SLC25A16: variants seen among roughly 807,000 people sequenced by gnomAD.
SLC25A16 encodes mitochondrial coenzyme A transporter SLC25A16.
SLC25A16 carries 39 observed loss-of-function variants against 41.5 expected under a neutral mutation model. The ratio of observed to expected loss-of-function variants is 0.94; its 90% CI spans 0.73 to 1.23. SLC25A16 has a LOEUF of 1.23. Ranked by LOEUF, SLC25A16 falls within the 50% of genes most tolerant of loss-of-function variation. The pLI, the probability that SLC25A16 is intolerant of heterozygous loss-of-function variation, is 0.00. For synonymous variants in SLC25A16, 146 were observed against 147.8 expected, an observed-to-expected ratio of 0.99 and a Z score of 0.09; for missense variants, 421 against 426.9, an observed-to-expected ratio of 0.99 and a Z score of 0.12.
At position 68,493,460 on chromosome 10, in the gene SLC25A16, T is replaced by C. The variant is rs758236954; in HGVS notation, c.532A>G (p.Ile178Val). ...TAAATATGAAATACCTTTGCATAAATTGTTTTGAAAGCATGAATAATTCCT... is the reference window on the plus strand; with the variant it reads ...TAAATATGAAATACCTTTGCATAAACTGTTTTGAAAGCATGAATAATTCCT... ...YTGIIHAFKTIYAKEGGFFGF... is the reference protein window; with the variant it reads ...YTGIIHAFKTVYAKEGGFFGF... The change falls in exon 5 of 9, where the codon ATT (isoleucine) becomes GTT (valine). Residue 178 changes from isoleucine (I) to valine (V), a missense_variant. Ile to Val is a conservative substitution (Grantham distance 29). Coordinates refer to ENST00000609923, the MANE Select transcript of SLC25A16 (RefSeq NM_152707.4). The C allele has an allele frequency of 6.8e-6, 11 of 1,613,062 alleles. No homozygotes were observed. The highest frequency in any genetic ancestry group is 1.1e-5 in the South Asian group (1 of 91,044).
intron 8 of SLC25A16, among the ~76,000 whole-genome samples, chr10:68,484,613 T>C (rs903602603): frequency 2.0e-5 from 3 of 151,756 alleles, no homozygotes; most frequent in African/African-American, 7.3e-5. Flanking sequence ...TGTTTGTTTT[T>C]AGTTAAAAAA....
chr10:68,525,402 C>A (rs1484240212), intron 1 of SLC25A16, among the ~76,000 whole-genome samples: 1 of 152,146 alleles, frequency 6.6e-6, no homozygotes, highest in Non-Finnish European at 1.5e-5. Context: ...TCCCAAAGTG[C>A]TGGGATTACA....
Position 68,527,460 on chromosome 10 carries a change from G to C in SLC25A16, c.-85C>G, listed in dbSNP as rs981345287. ...ATAGCCGGAACAGGCGGTGACAGGA[G>C]GCTGACCGCCCCGCCGGCGGGGCAA... On this transcript the variant is annotated 5_prime_UTR_variant, in exon 1 of 9. Coordinates refer to ENST00000609923, the MANE Select transcript of SLC25A16 (RefSeq NM_152707.4). The C allele has an allele frequency of 7.5e-7, 1 of 1,324,828 alleles. No individual in the cohort carries two copies. Among genetic ancestry groups the C allele is most frequent in the South Asian group, 1.6e-5 (1 of 62,250 alleles). The allele number at this position is 1,324,828 out of a possible 1,614,324, so 82.1% of individuals were successfully genotyped here.
rs560663710 is a variant in SLC25A16, at chr10:68,524,408, G to A, written c.130+2838C>T. The stretch of plus-strand genomic sequence containing the variant: ...AATACAAAATTAGCTGGGTGTGGTG[G>A]CACACACCTATAGTCCTAGCTACTC... On this transcript the variant is annotated intron_variant, in intron 1 of 8. Coordinates refer to ENST00000609923, the MANE Select transcript of SLC25A16 (RefSeq NM_152707.4). Among the ~76,000 whole-genome samples, 6 of 148,078 alleles carry A rather than the reference G, an allele frequency of 4.1e-5. No homozygotes were observed. In the Admixed American group the frequency reaches 4.1e-4, roughly 10 times the overall value.
At position 68,526,207 on chromosome 10, in the gene SLC25A16, G is replaced by A. The variant is rs28616702; in HGVS notation, c.130+1039C>T. On this transcript the variant is annotated intron_variant, in intron 1 of 8. Coordinates refer to ENST00000609923, the MANE Select transcript of SLC25A16 (RefSeq NM_152707.4). The stretch of plus-strand genomic sequence containing the variant: ...GCAATGGAATGTCTCGGTATAAAAC[G>A]CGATTGTATGCTCCATCTACTGAGA... Among the ~76,000 whole-genome samples the A allele has an allele frequency of 8.7e-5, 13 of 149,908 alleles. No homozygotes were observed. In the East Asian group the frequency reaches 2.3e-3, roughly 27 times the overall value.
intron 6 of SLC25A16, among the ~76,000 whole-genome samples, chr10:68,491,795 C>T (rs201325533): frequency 6.8e-6 from 1 of 146,558 alleles, no homozygotes; most frequent in Non-Finnish European, 1.5e-5. Flanking sequence ...AAACTTCTCT[C>T]TGTTTGCTTG....
intron 2 of SLC25A16, among the ~76,000 whole-genome samples, chr10:68,509,288 T>A (rs1336427452): frequency 1.3e-5 from 2 of 151,804 alleles, no homozygotes; most frequent in African/African-American, 4.8e-5. Context: ...AGTGAGCCAC[T>A]CCAGCGACAC....
At position 68,493,529 on chromosome 10, in the gene SLC25A16, T is replaced by C. The variant is rs1278933318; in HGVS notation, c.463A>G (p.Arg155Gly). Residue 155 changes from arginine to glycine, a missense_variant, in exon 5 of 9, where the codon AGG becomes GGG. Physicochemically the swap from Arg to Gly is moderately radical, Grantham distance 125 (BLOSUM62 -2). Coordinates refer to ENST00000609923, the MANE Select transcript of SLC25A16 (RefSeq NM_152707.4). ...TTCACCTGGAATGCTAGGCGGACCC[T>C]AACCATGTCAAGAGGGTAAGTACAG... ...VICTYPLDMV[R>G]VRLAFQVKGE... 6.2e-7 allele frequency: 1 copy of C among 1,612,984 alleles called. No homozygotes were observed. The highest frequency in any genetic ancestry group is 8.5e-7 in the Non-Finnish European group (1 of 1,179,192).
chr10:68,512,377 C>T (rs1169198152), intron 2 of SLC25A16, among the ~76,000 whole-genome samples: 3 of 90,790 alleles, frequency 3.3e-5, no homozygotes, highest in Non-Finnish European at 6.5e-5. Flanking sequence ...GTGGCTCACG[C>T]CTGTAATCCC....
chr10:68,493,494 G>A lies in SLC25A16; in HGVS notation c.498C>T (p.His166=), dbSNP rs1198511653. 6.2e-7 allele frequency: 1 copy of A among 1,613,178 alleles called. No individual in the cohort carries two copies. The change falls in exon 5 of 9, where the codon CAC becomes CAT. Residue 166 remains histidine (H), a synonymous_variant. Coordinates refer to ENST00000609923, the MANE Select transcript of SLC25A16 (RefSeq NM_152707.4). ...AAGCATGAATAATTCCTGTATAGCT[G>A]TGTTCCCCTTTCACCTGGAATGCTA... ...VRLAFQVKGE[H]SYTGIIHAFK... is the part of the protein sequence containing the mutation.
At chr10:68,486,266 A>ATT (rs71019016) in intron 8 of SLC25A16, among the ~76,000 whole-genome samples, 7 of 145,850 alleles carry the variant, frequency 4.8e-5, no homozygotes, top group Non-Finnish European at 6.0e-5. Context: ...CTAAAATAAT[A>ATT]TTTTTTTTTA....
chr10:68,501,352 A>G (rs2052841538), intron 4 of SLC25A16, among the ~76,000 whole-genome samples: 1 of 152,160 alleles, frequency 6.6e-6, no homozygotes, highest in Non-Finnish European at 1.5e-5. Context: ...CTTTCCTCAT[A>G]ATATTGTCCT....
At chr10:68,488,778 G>T in intron 6 of SLC25A16, 149 bp from the exon 7 acceptor site, 2 of 682,044 alleles carry the variant, frequency 2.9e-6, no homozygotes, top group East Asian at 5.7e-5. Context: ...ATAACCTAAA[G>T]ATGACAAAAT....
At chr10:68,500,750 T>C (rs1273111757) in intron 4 of SLC25A16, among the ~76,000 whole-genome samples, 2 of 144,914 alleles carry the variant, frequency 1.4e-5, no homozygotes, top group Non-Finnish European at 3.0e-5. Context: ...GGCCAACATA[T>C]TGAAACCCCC....
chr10:68,501,860 A>G (rs1489815595), intron 4 of SLC25A16, among the ~76,000 whole-genome samples: 4 of 152,186 alleles, frequency 2.6e-5, no homozygotes, highest in African/African-American at 9.6e-5. Context: ...CCTCTACAAA[A>G]GTAAACATAA....
At position 68,486,240 on chromosome 10, in the gene SLC25A16, A is replaced by AC. The variant is rs1315958208; in HGVS notation, c.842+903_842+904insG. Among the ~76,000 whole-genome samples the AC allele has an allele frequency of 2.0e-5, 3 of 146,738 alleles. 1 individual carries two copies. Among genetic ancestry groups the AC allele is most frequent in the African/African-American group, 8.0e-5 (3 of 37,670 alleles). Reference sequence around the variant, plus strand: ...TCTCAAAAAAACAAAACAAAAAAAAAAAAAAAACACAACCTCTAAAATAAT... The same window carrying AC: ...TCTCAAAAAAACAAAACAAAAAAAAACAAAAAAACACAACCTCTAAAATAAT... On this transcript the variant is annotated intron_variant, in intron 8 of 8. Coordinates refer to ENST00000609923, the MANE Select transcript of SLC25A16 (RefSeq NM_152707.4).
chr10:68,517,208 G>A, intron 1 of SLC25A16: 1 of 996,874 alleles, frequency 1.0e-6, no homozygotes, highest in African/African-American at 1.7e-5. Flanking sequence ...TACGGAGACA[G>A]ACACTTGAAG....
chr10:68,504,433 GT>G (rs1228335776), intron 3 of SLC25A16, among the ~76,000 whole-genome samples: 1 of 135,748 alleles, frequency 7.4e-6, no homozygotes, highest in East Asian at 2.1e-4. Flanking sequence ...TGCTGCTTGT[GT>G]TTTTTTTGTT....
chr10:68,517,150 A>G lies in SLC25A16; in HGVS notation c.131-307T>C, dbSNP rs2053173675. 8 of 1,038,434 alleles carry G rather than the reference A, an allele frequency of 7.7e-6. No homozygotes were observed. In the South Asian group the frequency reaches 1.8e-4, roughly 23 times the overall value. 64.3% of individuals were successfully genotyped at this position (1,038,434 alleles called of 1,614,324 possible). Reference sequence around the variant, plus strand: ...ACAGACACTTCAAGGTATTAATCCAACTGCCAGGTTCTGTTTGAAGTAACC... The same window carrying G: ...ACAGACACTTCAAGGTATTAATCCAGCTGCCAGGTTCTGTTTGAAGTAACC... On this transcript the variant is annotated intron_variant, in intron 1 of 8. Coordinates refer to ENST00000609923, the MANE Select transcript of SLC25A16 (RefSeq NM_152707.4).
Sources: gnomAD v4.1 joint callset for allele counts (sites outside exome capture counted in the v4.1 genomes callset) on GRCh38, gnomAD v4.1.1 for gene constraint, MANE v1.5 for transcripts, NCBI Gene and HGNC (gene_info 2026-07-23, HGNC 2026-07-21) for gene names.